The following ANKIB1 variants were observed in gnomAD, a reference collection of about 807,000 sequenced individuals.
The protein encoded by ANKIB1 is ankyrin repeat and IBR domain-containing protein 1.
A neutral mutation model predicts 122.1 loss-of-function variants in ANKIB1; 43 were observed. The ratio of observed to expected loss-of-function variants is 0.35; its 90% CI spans 0.28 to 0.45. The LOEUF is 0.45. ANKIB1 is among the 20% of genes least tolerant of loss of function. ANKIB1 has a pLI of 1.00. For synonymous variants in ANKIB1, 390 were observed against 442.0 expected, an observed-to-expected ratio of 0.88 and a Z score of 1.48; for missense variants, 992 against 1,329.5, an observed-to-expected ratio of 0.75 and a Z score of 3.95.
At chr7:92,271,882 A>T (rs1801801880) in intron 1 of ANKIB1, among the ~76,000 whole-genome samples, 1 of 152,226 alleles carries the variant, frequency 6.6e-6, no homozygotes, top group Non-Finnish European at 1.5e-5. Context: ...GGGAAATGAA[A>T]TGGACAGGCA....
intron 3 of ANKIB1, among the ~76,000 whole-genome samples, chr7:92,316,104 T>G (rs1424436204): frequency 6.6e-6 from 1 of 152,144 alleles, no homozygotes; most frequent in Non-Finnish European, 1.5e-5. Context: ...ATAATTTGGT[T>G]TCTTTTAAGG....
chr7:92,388,216 G>C (rs1464600049), intron 14 of ANKIB1, among the ~76,000 whole-genome samples, 175 bp downstream of exon 14: 1 of 152,172 alleles, frequency 6.6e-6, no homozygotes, highest in African/African-American at 2.4e-5. Flanking sequence ...TCTGTGATTG[G>C]ATTTTCTACC....
intron 3 of ANKIB1, among the ~76,000 whole-genome samples, chr7:92,311,601 A>G (rs1029829231): frequency 6.6e-6 from 1 of 152,098 alleles, no homozygotes; most frequent in Non-Finnish European, 1.5e-5. Context: ...TGAAGTCATC[A>G]TTGGCATTTA....
Position 92,275,441 on chromosome 7 carries a change from C to T in ANKIB1, c.-90-19448C>T, listed in dbSNP as rs373546080. ...GGTGCTGCCCATCACCAACTCAGGACGGTATTTGAAAATACCTGGAAAAAT... is the reference window on the plus strand; with the variant it reads ...GGTGCTGCCCATCACCAACTCAGGATGGTATTTGAAAATACCTGGAAAAAT... On this transcript the variant is annotated intron_variant, in intron 1 of 19. Coordinates refer to ENST00000265742, the MANE Select transcript of ANKIB1 (RefSeq NM_019004.2). Among the ~76,000 whole-genome samples the T allele has an allele frequency of 3.9e-5, 6 of 152,064 alleles. No homozygotes were observed. The South Asian group carries it at 8.3e-4, about 21-fold the overall frequency.
intron 17 of ANKIB1, among the ~76,000 whole-genome samples, chr7:92,394,311 C>T (rs1481552118): frequency 3.3e-5 from 5 of 152,158 alleles, no homozygotes; most frequent in Non-Finnish European, 7.4e-5. Flanking sequence ...CCTTAACATT[C>T]TCAAACCATT....
At chr7:92,344,938 G>A in intron 6 of ANKIB1, 40 bp from the exon 7 acceptor site, 1 of 1,483,996 alleles carries the variant, frequency 6.7e-7, no homozygotes, top group Non-Finnish European at 9.4e-7. Flanking sequence ...TCTTTCAGAA[G>A]TACATTTCTG....
chr7:92,328,043 C>T (rs942054182), intron 5 of ANKIB1, 143 bp downstream of exon 5: 6 of 567,602 alleles, frequency 1.1e-5, no homozygotes, highest in Non-Finnish European at 1.8e-5. Flanking sequence ...GCAGTTGTTA[C>T]TTCTATACTC....
intron 1 of ANKIB1, among the ~76,000 whole-genome samples, chr7:92,293,019 A>G (rs930041785): frequency 1.3e-5 from 2 of 152,244 alleles, no homozygotes; most frequent in African/African-American, 2.4e-5. Flanking sequence ...ACCTCATTAC[A>G]TATAGTAGTG....
chr7:92,305,951 A>G (rs1277242772), intron 2 of ANKIB1, among the ~76,000 whole-genome samples: 1 of 152,088 alleles, frequency 6.6e-6, no homozygotes, highest in African/African-American at 2.4e-5. Context: ...AAGTTGTAAA[A>G]CCGAGAGATG....
chr7:92,320,758 T>C (rs1366912871), intron 4 of ANKIB1, among the ~76,000 whole-genome samples: 1 of 152,186 alleles, frequency 6.6e-6, no homozygotes. Flanking sequence ...TTCCTTCTAT[T>C]CTTGTATCTT....
chr7:92,344,962 T>C lies in ANKIB1; in HGVS notation c.997-16T>C. On this transcript the variant is annotated splice_polypyrimidine_tract_variant and intron_variant, in intron 6 of 19. Transcript: ENST00000265742. Reference sequence around the variant, plus strand: ...AGTACATTTCTGTTTAAATCATTGTTCTTCTTCATCTCCAGTGTGACATTT... The same window carrying C: ...AGTACATTTCTGTTTAAATCATTGTCCTTCTTCATCTCCAGTGTGACATTT... 1 of 1,576,074 alleles carries C rather than the reference T, an allele frequency of 6.3e-7. No homozygotes were observed. The highest frequency in any genetic ancestry group is 8.7e-7 in the Non-Finnish European group (1 of 1,148,198).
chr7:92,386,272 A>G (rs1435925685), intron 11 of ANKIB1, among the ~76,000 whole-genome samples: 1 of 152,164 alleles, frequency 6.6e-6, no homozygotes, highest in Admixed American at 6.5e-5. Flanking sequence ...TCATAATATT[A>G]TGCTTTACAT....
In ANKIB1 at chr7:92,319,639, T is replaced by C. The variant is rs141963697; in HGVS notation, c.669+127T>C. 625 of 929,650 alleles carry C rather than the reference T, an allele frequency of 6.7e-4. 1 individual carries two copies. In the African/African-American group the frequency reaches 9.6e-3, roughly 14 times the overall value. The allele number at this position is 929,650 out of a possible 1,614,324, so 57.6% of individuals were successfully genotyped here. A position where few individuals can be genotyped will look rare whatever the true frequency, so the allele number is the denominator to read the frequency against. ...TTACAGTATTCTAAATATCCTGTCATCTTCATAGCCATAAAGTATAAAAAT... is the reference window on the plus strand; with the variant it reads ...TTACAGTATTCTAAATATCCTGTCACCTTCATAGCCATAAAGTATAAAAAT... On this transcript the variant is annotated intron_variant, in intron 4 of 19. Transcript: ENST00000265742.
In ANKIB1 at chr7:92,319,405, C is replaced by G; in HGVS notation, c.562C>G (p.Gln188Glu). The change falls in exon 4 of 20, where the codon CAA becomes GAA. Residue 188 changes from glutamine (Q) to glutamate (E), a missense_variant. Gln to Glu is a conservative substitution (Grantham distance 29). This residue lies in a region of ANKIB1 where 521 missense variants were observed against 777.7 expected (regional missense o/e 0.67). Coordinates refer to ENST00000265742, the MANE Select transcript of ANKIB1 (RefSeq NM_019004.2). Reference sequence around the variant, plus strand: ...TACTCCTTGTGATTGTGCTGAAAAGCAACACCACAAAGATTTGGCCCTCAA... The same window carrying G: ...TACTCCTTGTGATTGTGCTGAAAAGGAACACCACAAAGATTTGGCCCTCAA... ...KDTPCDCAEK[Q>E]HHKDLALNLE... 6.2e-7 allele frequency: 1 copy of G among 1,613,260 alleles called. No homozygotes were observed. The highest frequency in any genetic ancestry group is 8.5e-7 in the Non-Finnish European group (1 of 1,179,600).
At chr7:92,308,381 C>A (rs1802611754) in intron 3 of ANKIB1, among the ~76,000 whole-genome samples, 1 of 151,820 alleles carries the variant, frequency 6.6e-6, no homozygotes, top group African/African-American at 2.4e-5. Flanking sequence ...TTTTTGGTCA[C>A]CAATTTATAA....
intron 3 of ANKIB1, among the ~76,000 whole-genome samples, chr7:92,309,994 T>G (rs2131938841): frequency 6.8e-6 from 1 of 147,816 alleles, no homozygotes; most frequent in African/African-American, 2.5e-5. Flanking sequence ...TGCTTCCAAC[T>G]TTTCTCTATA....
chr7:92,347,966 A>G (rs534498482), intron 7 of ANKIB1: 421 of 447,626 alleles, frequency 9.4e-4, no homozygotes, highest in Non-Finnish European at 1.6e-3. Context: ...AAGCAGAGAG[A>G]GCCTACCTAT....
rs1184392588 is a variant in ANKIB1 at position 92,338,911 on chromosome 7, CAAAAAAAA to C, written c.788-4097_788-4090del. On this transcript the variant is annotated intron_variant, in intron 5 of 19. Coordinates refer to ENST00000265742, the MANE Select transcript of ANKIB1 (RefSeq NM_019004.2). ...TGGGCGACAGAGTGAGACTCCATCT[CAAAAAAAA>C]AAAAAAAAAAAAAAATATATATATA... 2.2e-3 allele frequency among the ~76,000 whole-genome samples: 46 copies of C among 21,190 alleles called. 2 individuals are homozygous for C. The highest frequency in any genetic ancestry group is 0.015 in the East Asian group (3 of 198). The allele number at this position is 21,190 out of a possible 152,430, so 13.9% of individuals were successfully genotyped here. A position where few individuals can be genotyped will look rare whatever the true frequency, so the allele number is the denominator to read the frequency against.
intron 7 of ANKIB1, among the ~76,000 whole-genome samples, chr7:92,350,126 A>G (rs1330758970): frequency 6.6e-6 from 1 of 150,970 alleles, no homozygotes; most frequent in Non-Finnish European, 1.5e-5. Flanking sequence ...AAGTATACCT[A>G]AGTAGGAAAT....
Sources: gnomAD v4.1 joint callset for allele counts (sites outside exome capture counted in the v4.1 genomes callset) on GRCh38, gnomAD v4.1.1 for gene constraint, gnomAD v4.1.1 regional missense constraint, MANE v1.5 for transcripts, NCBI Gene and HGNC (gene_info 2026-07-23, HGNC 2026-07-21) for gene names.